SESN3: variants seen among roughly 807,000 people sequenced by gnomAD.
SESN3 encodes sestrin-3.
In SESN3, 21 loss-of-function variants were observed where a neutral mutation model predicts 55.3. The ratio of observed to expected loss-of-function variants is 0.38; its 90% CI spans 0.27 to 0.55. SESN3 has a LOEUF of 0.55. SESN3 is among the 20% of genes least tolerant of loss of function. SESN3 has a pLI of 0.76. For synonymous variants in SESN3, 181 were observed against 203.1 expected (o/e 0.89, Z 0.93); for missense variants, 408 against 604.3 (o/e 0.68, Z 3.41).
At chr11:95,205,959 C>A (rs1860538753) in intron 1 of SESN3, among the ~76,000 whole-genome samples, 1 of 152,058 alleles carries the variant, frequency 6.6e-6, no homozygotes, top group African/African-American at 2.4e-5. Flanking sequence ...AACATTCTGG[C>A]CCCTAACCTA....
intron 1 of SESN3, among the ~76,000 whole-genome samples, chr11:95,226,324 A>C (rs1479366619): frequency 6.6e-6 from 1 of 152,244 alleles, no homozygotes; most frequent in East Asian, 1.9e-4. Context: ...TTTACAGAGA[A>C]AACTCTGCTT....
chr11:95,202,387 A>C (rs919476857), intron 1 of SESN3, among the ~76,000 whole-genome samples: 8 of 152,070 alleles, frequency 5.3e-5, no homozygotes, highest in Admixed American at 5.2e-4. Context: ...AAATACCAAT[A>C]AGTTAAACCA....
chr11:95,184,027 CCA>C (rs1049788172), intron 6 of SESN3: 25 of 223,192 alleles, frequency 1.1e-4, no homozygotes, highest in Admixed American at 2.2e-4. Flanking sequence ...AATAATCTTC[CCA>C]CACACCCCCC....
chr11:95,224,428 AG>A (rs1321214391), intron 1 of SESN3: 1 of 427,236 alleles, frequency 2.3e-6, no homozygotes. Context: ...AGTGATAAAA[AG>A]AATGGTCAGA....
At chr11:95,205,488 A>T (rs1178210126) in intron 1 of SESN3, among the ~76,000 whole-genome samples, 1 of 152,168 alleles carries the variant, frequency 6.6e-6, no homozygotes, top group Non-Finnish European at 1.5e-5. Flanking sequence ...GACTAATGGA[A>T]TATCAGGGTA....
At chr11:95,189,999 C>A (rs1365840573) in intron 3 of SESN3, 38 bp from the exon 4 acceptor site, 1 of 1,483,170 alleles carries the variant, frequency 6.7e-7, no homozygotes, top group Admixed American at 2.0e-5. Flanking sequence ...ATAAAAGAAT[C>A]ACAGTAGAGT....
intron 1 of SESN3, among the ~76,000 whole-genome samples, chr11:95,213,148 T>A (rs1187253179): frequency 6.6e-6 from 1 of 151,054 alleles, no homozygotes; most frequent in Non-Finnish European, 1.5e-5. Context: ...TCCTAAAAAA[T>A]AAAAAAAAAC....
intron 1 of SESN3, among the ~76,000 whole-genome samples, chr11:95,203,441 T>C (rs551238238): frequency 6.6e-6 from 1 of 152,260 alleles, no homozygotes; most frequent in Admixed American, 6.5e-5. Flanking sequence ...ACTGTGTAAA[T>C]TCAAGTATAT....
intron 1 of SESN3, among the ~76,000 whole-genome samples, chr11:95,195,256 GT>G (rs755767310): frequency 2.0e-5 from 3 of 151,994 alleles, no homozygotes; most frequent in East Asian, 3.9e-4. Flanking sequence ...ACCTTTAAAT[GT>G]TTCATATTAT....
chr11:95,197,547 C>T (rs1388889982), intron 1 of SESN3, among the ~76,000 whole-genome samples: 5 of 151,634 alleles, frequency 3.3e-5, no homozygotes, highest in African/African-American at 4.9e-5. Context: ...CGGGCTCAAG[C>T]GATTCTCCTG....
At chr11:95,185,556 T>A (rs946577128) in intron 4 of SESN3, 64 bp from the exon 5 acceptor site, 2 of 1,035,320 alleles carry the variant, frequency 1.9e-6, no homozygotes, top group Admixed American at 3.8e-5. Context: ...GAAATTTCAA[T>A]GAAAATCTAC....
chr11:95,211,067 T>G, intron 1 of SESN3, among the ~76,000 whole-genome samples: 1 of 152,176 alleles, frequency 6.6e-6, no homozygotes, highest in East Asian at 1.9e-4. Flanking sequence ...AAAAGAATAA[T>G]AAATATCCCA....
intron 1 of SESN3, among the ~76,000 whole-genome samples, chr11:95,218,796 G>A (rs1035619910): frequency 5.3e-5 from 8 of 152,016 alleles, no homozygotes; most frequent in African/African-American, 1.9e-4. Context: ...GACTACAGGC[G>A]CCCACCACCA....
At chr11:95,176,976 T>C (rs1186170511) in intron 8 of SESN3, among the ~76,000 whole-genome samples, 2 of 152,214 alleles carry the variant, frequency 1.3e-5, no homozygotes, top group Admixed American at 6.5e-5. Flanking sequence ...GCTAAAATTA[T>C]AGAAAATACT....
At chr11:95,216,706 GAAGT>G (rs929838351) in intron 1 of SESN3, among the ~76,000 whole-genome samples, 1 of 151,322 alleles carries the variant, frequency 6.6e-6, no homozygotes, top group Non-Finnish European at 1.5e-5. Context: ...ATTAGTAAAG[GAAGT>G]AAGATAAAAT....
intron 9 of SESN3, among the ~76,000 whole-genome samples, chr11:95,175,256 C>T (rs1365684527): frequency 3.9e-5 from 6 of 151,992 alleles, no homozygotes; most frequent in African/African-American, 7.3e-5. Context: ...CTCAGCTACT[C>T]GGGAGGGTGA....
chr11:95,194,211 G>A lies in SESN3; in HGVS notation c.79-689C>T, dbSNP rs60830158. On this transcript the variant is annotated intron_variant, in intron 1 of 9. Coordinates refer to ENST00000536441, the MANE Select transcript of SESN3 (RefSeq NM_144665.4). ...ATATTTTAGTATCCTCATTAAGTGC[G>A]ATACAAGCCATAAAAATTCGAATCA... 4.3e-3 allele frequency among the ~76,000 whole-genome samples: 646 copies of A among 151,758 alleles called. 23 individuals carry two copies. The East Asian group carries it at 0.084, about 20-fold the overall frequency.
chr11:95,218,647 C>CTTT (rs68150878), intron 1 of SESN3, among the ~76,000 whole-genome samples: 53 of 122,040 alleles, frequency 4.3e-4, no homozygotes, highest in African/African-American at 6.7e-4. Flanking sequence ...GATTTACCCT[C>CTTT]TTTTTTTTTT....
At chr11:95,231,862 TA>T (rs1565479970), upstream of SESN3, 1 of 152,164 alleles carries the variant, frequency 6.6e-6, no homozygotes, top group Non-Finnish European at 1.5e-5. Flanking sequence ...GGGAGGCGGA[TA>T]GGGGATAAAT....
Sources: gnomAD v4.1 joint callset for allele counts (sites outside exome capture counted in the v4.1 genomes callset) on GRCh38, gnomAD v4.1.1 for gene constraint, MANE v1.5 for transcripts, NCBI Gene and HGNC (gene_info 2026-07-23, HGNC 2026-07-21) for gene names.